Variants in TMED3 observed in about 807,000 individuals in gnomAD.
TMED3 encodes transmembrane p24 trafficking protein 3, also known as transmembrane emp24 domain-containing protein 3.
A neutral mutation model predicts 15.0 loss-of-function variants in TMED3; 9 were observed. That is an observed-to-expected ratio of 0.60 (90% CI 0.36 to 1.04). The LOEUF (loss-of-function observed/expected upper bound fraction) is 1.04, where lower values mean the gene tolerates loss of function less well. Among genes scored for constraint, TMED3 ranks in the 50% least tolerant of loss-of-function variants. The pLI is 0.01. For missense variants in TMED3, 267 were observed against 278.9 expected (o/e 0.96, Z 0.30); for synonymous variants, 117 against 121.4 (o/e 0.96, Z 0.24).
chr15:79,322,795 G>C lies in TMED3; in HGVS notation c.*581G>C. ...TGAGCTGTGTATTTCCTAGGAGGTA[G>C]AAAACTGTGGGAAACTGTGGCTAAT... is the stretch of plus-strand genomic sequence containing the variant. On this transcript the variant is annotated 3_prime_UTR_variant, in exon 3 of 3. Coordinates refer to ENST00000299705, the MANE Select transcript of TMED3 (RefSeq NM_007364.4). 1 of 985,526 alleles carries C rather than the reference G, an allele frequency of 1.0e-6. No homozygotes were observed. The highest frequency in any genetic ancestry group is 1.2e-6 in the Non-Finnish European group (1 of 830,076). 61.0% of individuals were successfully genotyped at this position (985,526 alleles called of 1,614,324 possible). A position where few individuals can be genotyped will look rare whatever the true frequency, so the allele number is the denominator to read the frequency against.
chr15:79,390,594 G>A (rs535302547), intron 2 of TMED3, among the ~76,000 whole-genome samples: 31 of 152,114 alleles, frequency 2.0e-4, no homozygotes, highest in African/African-American at 6.3e-4. Context: ...AGGGTGATAC[G>A]GCTCCATAGA....
rs116733045 is a variant in TMED3 at position 79,317,432 on chromosome 15, G to A, written c.417+3427G>A. Among the ~76,000 whole-genome samples the A allele has an allele frequency of 5.4e-3, 820 of 152,278 alleles. 10 individuals are homozygous for A. Among genetic ancestry groups the A allele is most frequent in the African/African-American group, 0.019 (792 of 41,538 alleles). On this transcript the variant is annotated intron_variant, in intron 2 of 2. Coordinates refer to ENST00000299705, the MANE Select transcript of TMED3 (RefSeq NM_007364.4). ...GCTGAATTCCCAGGCCAGGGCCTACGGTCCAAGGAGTCCCCAGTCAAGTGA... is the reference window on the plus strand; with the variant it reads ...GCTGAATTCCCAGGCCAGGGCCTACAGTCCAAGGAGTCCCCAGTCAAGTGA...
intron 2 of TMED3, among the ~76,000 whole-genome samples, chr15:79,364,984 C>T (rs1048832780): frequency 5.3e-5 from 8 of 152,230 alleles, no homozygotes; most frequent in African/African-American, 1.7e-4. Context: ...AACACTTAAG[C>T]TGTCTGCGGA....
intron 2 of TMED3, among the ~76,000 whole-genome samples, chr15:79,375,086 A>C (rs1429685424): frequency 6.6e-6 from 1 of 152,172 alleles, no homozygotes; most frequent in Admixed American, 6.5e-5. Context: ...AGTCCTGAAA[A>C]AATGTCTCAT....
At chr15:79,399,436 G>A (rs539648323) in intron 2 of TMED3, among the ~76,000 whole-genome samples, 5 of 151,984 alleles carry the variant, frequency 3.3e-5, no homozygotes, top group East Asian at 1.9e-4. Context: ...GTCCAAAAAC[G>A]CAAAAAAGAG....
intron 2 of TMED3, among the ~76,000 whole-genome samples, chr15:79,404,613 C>G: frequency 6.6e-6 from 1 of 152,224 alleles, no homozygotes; most frequent in East Asian, 1.9e-4. Flanking sequence ...TTCCTCAGGC[C>G]TTTCCTTTGT....
intron 2 of TMED3, among the ~76,000 whole-genome samples, chr15:79,381,059 G>T (rs145432604): frequency 0.013 from 1,908 of 152,222 alleles, 16 homozygotes; most frequent in Non-Finnish European, 0.019. Flanking sequence ...CTGTTTTCAG[G>T]CAGATTTTAA....
chr15:79,367,018 C>A (rs561651428), intron 2 of TMED3, among the ~76,000 whole-genome samples: 1 of 152,258 alleles, frequency 6.6e-6, no homozygotes, highest in South Asian at 2.1e-4. Context: ...ACAGCACAAT[C>A]TCAATTCATA....
At chr15:79,393,570 C>T (rs557038252) in intron 2 of TMED3, among the ~76,000 whole-genome samples, 1 of 152,196 alleles carries the variant, frequency 6.6e-6, no homozygotes, top group African/African-American at 2.4e-5. Context: ...GTTCTTTAAA[C>T]CAGATTTTTG....
chr15:79,407,052 G>A (rs945328901), intron 2 of TMED3, among the ~76,000 whole-genome samples: 2 of 152,196 alleles, frequency 1.3e-5, no homozygotes, highest in African/African-American at 4.8e-5. Flanking sequence ...CGTGTTTCCA[G>A]GGATGCTGTC....
intron 1 of TMED3, 106 bp downstream of exon 1, chr15:79,311,523 A>G (rs1704610297): frequency 7.3e-7 from 1 of 1,370,044 alleles, no homozygotes; most frequent in African/African-American, 1.5e-5. Context: ...CACAGGCTAC[A>G]GGGAGGCTGC....
chr15:79,366,067 CA>C (rs1168829009), intron 2 of TMED3, among the ~76,000 whole-genome samples: 1 of 152,112 alleles, frequency 6.6e-6, no homozygotes, highest in Non-Finnish European at 1.5e-5. Context: ...GACATATAAA[CA>C]AAAAGAGGGT....
At chr15:79,337,593 A>G (rs959362504) in intron 2 of TMED3, among the ~76,000 whole-genome samples, 1 of 152,212 alleles carries the variant, frequency 6.6e-6, no homozygotes, top group African/African-American at 2.4e-5. Context: ...TATTTTGTCA[A>G]GACTAGGTGC....
chr15:79,317,715 A>G (rs2058746985), intron 2 of TMED3, among the ~76,000 whole-genome samples: 1 of 152,186 alleles, frequency 6.6e-6, no homozygotes, highest in South Asian at 2.1e-4. Flanking sequence ...GATTTCAAGA[A>G]TGATCCACTT....
chr15:79,335,159 T>TA (rs1234841782), intron 2 of TMED3, among the ~76,000 whole-genome samples: 2 of 151,944 alleles, frequency 1.3e-5, no homozygotes, highest in Admixed American at 1.3e-4. Context: ...TTCAAAGACG[T>TA]AAAAAAAGAA....
At position 79,313,739 on chromosome 15, in the gene TMED3, T is replaced by C. The variant is rs1308354958; in HGVS notation, c.169-18T>C. 6.2e-7 allele frequency: 1 copy of C among 1,604,744 alleles called. No individual in the cohort carries two copies. Among genetic ancestry groups the C allele is most frequent in the Non-Finnish European group, 8.5e-7 (1 of 1,173,134 alleles). ...GTGGTTGCTCCTTTGATAACAGCAATTTTTTTATGGTTGTCAGGTCATCAC... is the reference window on the plus strand; with the variant it reads ...GTGGTTGCTCCTTTGATAACAGCAACTTTTTTATGGTTGTCAGGTCATCAC... On this transcript the variant is annotated intron_variant, in intron 1 of 2. Transcript: ENST00000299705.
chr15:79,331,643 G>A (rs4293356), intron 2 of TMED3, among the ~76,000 whole-genome samples: 27,279 of 150,718 alleles, frequency 0.18, 2,439 homozygotes, highest in Admixed American at 0.24. Context: ...AAATATTTTC[G>A]AAGTATTCAT....
intron 2 of TMED3, among the ~76,000 whole-genome samples, chr15:79,329,979 A>G (rs6495392): frequency 0.18 from 27,425 of 152,234 alleles, 2,456 homozygotes; most frequent in Admixed American, 0.24. Context: ...GTTAAAAATG[A>G]CAGCAACAGG....
intron 2 of TMED3, among the ~76,000 whole-genome samples, chr15:79,356,249 T>C (rs750783994): frequency 2.3e-4 from 35 of 152,298 alleles, no homozygotes; most frequent in Admixed American, 2.0e-3. Context: ...GAGTTTAAAG[T>C]GTTCCCCAGT....
Sources: gnomAD v4.1 joint callset for allele counts (sites outside exome capture counted in the v4.1 genomes callset) on GRCh38, gnomAD v4.1.1 for gene constraint, MANE v1.5 for transcripts, NCBI Gene and HGNC (gene_info 2026-07-23, HGNC 2026-07-21) for gene names.